Variants in MOGAT1 observed in about 807,000 individuals in gnomAD.
MOGAT1 encodes the protein monoacylglycerol O-acyltransferase 1, also known as 2-acylglycerol O-acyltransferase 1.
MOGAT1 carries 32 observed loss-of-function variants against 31.4 expected under a neutral mutation model. The observed-to-expected ratio is 1.02, with a 90% CI of 0.77 to 1.37. The LOEUF is 1.37. Ranked by LOEUF, MOGAT1 falls within the 40% of genes most tolerant of loss-of-function variation. The pLI, the probability that MOGAT1 is intolerant of heterozygous loss-of-function variation, is 0.00. For missense variants in MOGAT1, 426 were observed against 402.0 expected (o/e 1.06, Z -0.51); for synonymous variants, 145 against 144.5 (o/e 1.00, Z -0.03).
intron 1 of MOGAT1, among the ~76,000 whole-genome samples, chr2:222,672,891 T>TATC (rs1491212248): frequency 9.1e-6 from 1 of 110,344 alleles, no homozygotes; most frequent in Admixed American, 1.1e-4. Flanking sequence ...GGAATTTGTT[T>TATC]ATTATTATTA....
At chr2:222,676,782 T>C (rs1466012740) in intron 1 of MOGAT1, among the ~76,000 whole-genome samples, 2 of 152,230 alleles carry the variant, frequency 1.3e-5, no homozygotes, top group African/African-American at 4.8e-5. Flanking sequence ...AATTTTTTTC[T>C]TGTGATACTG....
intron 5 of MOGAT1, among the ~76,000 whole-genome samples, chr2:222,709,522 C>T (rs1221481964): frequency 2.0e-5 from 3 of 152,212 alleles, no homozygotes; most frequent in Non-Finnish European, 4.4e-5. Flanking sequence ...AGGGTCCCGA[C>T]AATCCAGTGT....
At chr2:222,705,043 A>AT (rs1692985825) in intron 5 of MOGAT1, among the ~76,000 whole-genome samples, 1 of 152,116 alleles carries the variant, frequency 6.6e-6, no homozygotes, top group African/African-American at 2.4e-5. Flanking sequence ...GAGCATGGTT[A>AT]TTTTTTTGGT....
Position 222,695,080 on chromosome 2 carries a change from T to C in MOGAT1, c.654-9T>C. The C allele has an allele frequency of 6.3e-7, 1 of 1,576,896 alleles. No individual in the cohort carries two copies. Among genetic ancestry groups the C allele is most frequent in the South Asian group, 1.2e-5 (1 of 85,200 alleles). On this transcript the variant is annotated splice_polypyrimidine_tract_variant and intron_variant, in intron 4 of 5. Transcript: ENST00000446656. The stretch of plus-strand genomic sequence containing the variant: ...TGAAAATTCTCACCCGTCCCCTTTG[T>C]TATTGCAGCGCCTCTCTGGTCCCAG...
intron 3 of MOGAT1, among the ~76,000 whole-genome samples, chr2:222,691,343 G>T (rs1166506851): frequency 2.6e-5 from 4 of 152,018 alleles, no homozygotes; most frequent in African/African-American, 9.7e-5. Context: ...AAGCAGCTGG[G>T]ATTACAGGCT....
intron 1 of MOGAT1, among the ~76,000 whole-genome samples, chr2:222,672,899 T>TTATTAC (rs1490190859): frequency 3.4e-5 from 5 of 146,938 alleles, no homozygotes; most frequent in Middle Eastern, 3.6e-3. Flanking sequence ...TTTATTATTA[T>TTATTAC]TATTATTATT....
intron 5 of MOGAT1, among the ~76,000 whole-genome samples, chr2:222,702,019 A>G (rs1559234249): frequency 6.6e-6 from 1 of 152,214 alleles, no homozygotes; most frequent in Non-Finnish European, 1.5e-5. Context: ...GTGCTAGGCA[A>G]ATGCAGGTTG....
chr2:222,676,591 T>C (rs1399738237), intron 1 of MOGAT1, among the ~76,000 whole-genome samples: 1 of 152,224 alleles, frequency 6.6e-6, no homozygotes, highest in African/African-American at 2.4e-5. Context: ...CTTTCTTTAT[T>C]CATAGGTAAA....
At chr2:222,695,351 G>A in intron 5 of MOGAT1, 63 bp downstream of exon 5, 3 of 1,148,908 alleles carry the variant, frequency 2.6e-6, no homozygotes, top group Non-Finnish European at 3.7e-6. Context: ...GTTATTGATT[G>A]AGGTGCTAAT....
intron 1 of MOGAT1, among the ~76,000 whole-genome samples, chr2:222,676,898 T>A (rs959148586): frequency 3.9e-5 from 6 of 152,260 alleles, no homozygotes; most frequent in Admixed American, 1.3e-4. Context: ...CTTTAGTATC[T>A]AAAAATCAGG....
At chr2:222,671,928 C>T in intron 1 of MOGAT1, 49 bp downstream of exon 1, 1 of 1,432,884 alleles carries the variant, frequency 7.0e-7, no homozygotes, top group Non-Finnish European at 9.6e-7. Context: ...CATATCCTCC[C>T]TCGGGACGGT....
At chr2:222,672,653 T>C (rs1480231379) in intron 1 of MOGAT1, among the ~76,000 whole-genome samples, 1 of 152,130 alleles carries the variant, frequency 6.6e-6, no homozygotes, top group Non-Finnish European at 1.5e-5. Flanking sequence ...ACCCTTCTAT[T>C]GAAACATAAA....
At chr2:222,685,820 C>T (rs1373409953) in intron 1 of MOGAT1, among the ~76,000 whole-genome samples, 3 of 151,954 alleles carry the variant, frequency 2.0e-5, no homozygotes, top group Non-Finnish European at 4.4e-5. Flanking sequence ...AGGCTGGTCT[C>T]AAATTCCTGA....
chr2:222,687,743 G>A (rs1013623155), intron 1 of MOGAT1, among the ~76,000 whole-genome samples: 1 of 152,228 alleles, frequency 6.6e-6, no homozygotes, highest in African/African-American at 2.4e-5. Flanking sequence ...TAGAGTTCCT[G>A]AAAATGAAGT....
rs1029251960 is a variant in MOGAT1 at position 222,707,371 on chromosome 2, GAGAA to G, written c.854-2355_854-2352del. 8.5e-5 allele frequency among the ~76,000 whole-genome samples: 12 copies of G among 141,692 alleles called. No individual in the cohort carries two copies. The South Asian group carries it at 2.2e-3, about 26-fold the overall frequency. 93.0% of individuals were successfully genotyped at this position (141,692 alleles called of 152,430 possible). A position where few individuals can be genotyped will look rare whatever the true frequency, so the allele number is the denominator to read the frequency against. ...AGAAAAAGAAAGAAAGAGAAAGAAA[GAGAA>G]AGAAAGAAAAGAAAAGAGAAAGAGG... On this transcript the variant is annotated intron_variant, in intron 5 of 5. Coordinates refer to ENST00000446656, the MANE Select transcript of MOGAT1 (RefSeq NM_058165.3).
intron 5 of MOGAT1, among the ~76,000 whole-genome samples, chr2:222,703,151 G>C (rs1249845429): frequency 3.3e-5 from 5 of 152,166 alleles, no homozygotes; most frequent in African/African-American, 1.2e-4. Context: ...GTTTATATAT[G>C]AGGTTGAACA....
At chr2:222,690,450 A>G (rs1692741666) in intron 3 of MOGAT1, among the ~76,000 whole-genome samples, 1 of 152,028 alleles carries the variant, frequency 6.6e-6, no homozygotes, top group African/African-American at 2.4e-5. Context: ...CCAGCTACTC[A>G]GGAAGCTGAG....
At chr2:222,673,261 CT>C (rs369731546) in intron 1 of MOGAT1, among the ~76,000 whole-genome samples, 73 of 123,234 alleles carry the variant, frequency 5.9e-4, no homozygotes, top group Middle Eastern at 7.1e-3. Context: ...GTCTGTACAC[CT>C]TTTTTTTTTT....
At chr2:222,696,545 T>A (rs1259915598) in intron 5 of MOGAT1, among the ~76,000 whole-genome samples, 2 of 152,272 alleles carry the variant, frequency 1.3e-5, no homozygotes, top group Non-Finnish European at 2.9e-5. Context: ...CATATGTTTG[T>A]TGACCATTTG....
Sources: gnomAD v4.1 joint callset for allele counts (sites outside exome capture counted in the v4.1 genomes callset) on GRCh38, gnomAD v4.1.1 for gene constraint, MANE v1.5 for transcripts, NCBI Gene and HGNC (gene_info 2026-07-23, HGNC 2026-07-21) for gene names.